Variants in CIMIP4 observed in about 807,000 individuals in gnomAD.
The protein encoded by CIMIP4 is protein EAN57.
At chr22:36,997,258 A>C in the CIMIP4 span, among the ~76,000 whole-genome samples, 3 of 152,224 alleles carry the variant, frequency 2.0e-5, no homozygotes, top group Non-Finnish European at 2.9e-5. Flanking sequence ...AGCAAAACTA[A>C]AAATTTTAGA....
chr22:36,999,581 A>AG, the CIMIP4 span, among the ~76,000 whole-genome samples: 148 of 2,136 alleles, frequency 0.069, 6 homozygotes, highest in African/African-American at 0.3. Context: ...AGGGGAGGGG[A>AG]GGGGGGGATG....
chr22:36,991,873 A>G, the CIMIP4 span, among the ~76,000 whole-genome samples: 1 of 152,168 alleles, frequency 6.6e-6, no homozygotes, highest in African/African-American at 2.4e-5. Flanking sequence ...ATTATTGGAC[A>G]TTCATCAAGA....
chr22:36,991,174 C>T, the CIMIP4 span: 1 of 1,613,832 alleles, frequency 6.2e-7, no homozygotes, highest in Non-Finnish European at 8.5e-7. Context: ...TCTACTGTGT[C>T]AAAACTAGTA....
At chr22:36,998,021 C>A in the CIMIP4 span, among the ~76,000 whole-genome samples, 10 of 152,208 alleles carry the variant, frequency 6.6e-5, no homozygotes, top group South Asian at 2.1e-4. Context: ...CATTTATGTG[C>A]CAGTCAGTTC....
chr22:37,003,914 C>T, the CIMIP4 span: 11 of 1,512,754 alleles, frequency 7.3e-6, no homozygotes, highest in Non-Finnish European at 8.9e-6. Flanking sequence ...CCAGGGAGTC[C>T]CTCCAGAAGC....
chr22:37,005,865 C>G, the CIMIP4 span, among the ~76,000 whole-genome samples: 1 of 152,158 alleles, frequency 6.6e-6, no homozygotes, highest in African/African-American at 2.4e-5. Flanking sequence ...GTTCTGAAGT[C>G]TCATCCTTTC....
the CIMIP4 span, among the ~76,000 whole-genome samples, chr22:36,993,017 T>C: frequency 2.0e-3 from 134 of 67,012 alleles, 1 homozygote; most frequent in African/African-American, 6.9e-3. Context: ...TTTTTTTTTC[T>C]TTTTTTTTTT....
chr22:37,005,390 T>A, the CIMIP4 span, among the ~76,000 whole-genome samples: 1 of 152,232 alleles, frequency 6.6e-6, no homozygotes, highest in Non-Finnish European at 1.5e-5. Context: ...TATGGTCATT[T>A]GTTACGCAGC....
chr22:36,997,001 G>T, the CIMIP4 span, among the ~76,000 whole-genome samples: 1 of 152,206 alleles, frequency 6.6e-6, no homozygotes, highest in African/African-American at 2.4e-5. Context: ...ACTGGGGAAA[G>T]ATTTCTGGTG....
At chr22:36,991,203 G>A in the CIMIP4 span, 4 of 1,614,136 alleles carry the variant, frequency 2.5e-6, no homozygotes, top group African/African-American at 4.0e-5. Flanking sequence ...TCTTGGATTT[G>A]CTGTTTTCTC....
chr22:36,999,842 C>T, the CIMIP4 span: 10 of 1,612,242 alleles, frequency 6.2e-6, no homozygotes, highest in Middle Eastern at 1.6e-4. Context: ...GACTTGACCT[C>T]GAAACAAGTT....
chr22:37,005,395 C>T, the CIMIP4 span, among the ~76,000 whole-genome samples: 200 of 152,222 alleles, frequency 1.3e-3, 1 homozygote, highest in East Asian at 0.024. Flanking sequence ...TCATTTGTTA[C>T]GCAGCAATAC....
chr22:37,002,941 G>A, the CIMIP4 span, among the ~76,000 whole-genome samples: 2 of 152,110 alleles, frequency 1.3e-5, no homozygotes, highest in Admixed American at 6.5e-5. Flanking sequence ...TGTCTCCCAC[G>A]TCCCTGCCCA....
the CIMIP4 span, among the ~76,000 whole-genome samples, chr22:36,992,208 G>A: frequency 1.1e-4 from 16 of 152,226 alleles, no homozygotes; most frequent in East Asian, 1.2e-3. Context: ...TTAGCTGGGC[G>A]TGGTGGCGGG....
chr22:37,003,874 G>C, the CIMIP4 span: 1 of 1,342,964 alleles, frequency 7.4e-7, no homozygotes, highest in Middle Eastern at 2.0e-4. Context: ...AAGACGGAGC[G>C]GGAGGAGAAA....
the CIMIP4 span, chr22:36,991,160 C>A: frequency 5.6e-6 from 9 of 1,603,664 alleles, no homozygotes; most frequent in Admixed American, 1.5e-4. Flanking sequence ...GAGTAGAAGA[C>A]ACCTCTACTG....
chr22:37,006,726 G>T, the CIMIP4 span, among the ~76,000 whole-genome samples: 1 of 152,196 alleles, frequency 6.6e-6, no homozygotes, highest in Non-Finnish European at 1.5e-5. Flanking sequence ...AGGGCAGAGA[G>T]TGGCAGGCAG....
chr22:36,992,365 AC>A, the CIMIP4 span, among the ~76,000 whole-genome samples: 1 of 152,078 alleles, frequency 6.6e-6, no homozygotes, highest in African/African-American at 2.4e-5. Flanking sequence ...AAACAAACAA[AC>A]AAAAAACCTA....
chr22:36,995,956 G>T, the CIMIP4 span, among the ~76,000 whole-genome samples: 30,712 of 152,054 alleles, frequency 0.2, 3,452 homozygotes, highest in East Asian at 0.53. Flanking sequence ...CCTGCTTATA[G>T]ACACCATTGT....
Sources: allele counts gnomAD v4.1 joint callset (sites outside exome capture counted in the v4.1 genomes callset), GRCh38; gene constraint gnomAD v4.1.1; transcripts MANE v1.5; gene names NCBI Gene and HGNC (gene_info 2026-07-23, HGNC 2026-07-21).